The following PHF24 variants were observed in gnomAD, a reference collection of about 807,000 sequenced individuals.
PHF24 encodes the protein PHD finger protein 24.
In PHF24, 25 loss-of-function variants were observed where a neutral mutation model predicts 42.6. The ratio of observed to expected loss-of-function variants is 0.59; its 90% CI spans 0.43 to 0.82. The LOEUF is 0.82. Ranked by LOEUF, PHF24 falls within the 40% of genes least tolerant of loss-of-function variation. PHF24 has a pLI of 0.00. For synonymous variants in PHF24, 185 were observed against 204.8 expected (o/e 0.90, Z 0.83); for missense variants, 470 against 538.1 (o/e 0.87, Z 1.25).
chr9:34,844,232 A>G, the PHF24 span, among the ~76,000 whole-genome samples: 1 of 152,002 alleles, frequency 6.6e-6, no homozygotes, highest in South Asian at 2.1e-4. Context: ...TTCTTTTCAA[A>G]TAACCAACTC....
At chr9:34,807,471 G>A in the PHF24 span, among the ~76,000 whole-genome samples, 1 of 152,168 alleles carries the variant, frequency 6.6e-6, no homozygotes, top group Admixed American at 6.5e-5. Flanking sequence ...TGGTTGGAAG[G>A]CATGTTGTTC....
At chr9:34,919,709 C>CACACACACACACACACACACACACAT in the PHF24 span, among the ~76,000 whole-genome samples, 1 of 152,038 alleles carries the variant, frequency 6.6e-6, no homozygotes, top group East Asian at 1.9e-4. Context: ...CACACACACA[C>CACACACACACACACACACACACACAT]ATCCCAACCC....
At chr9:34,933,497 A>G in the PHF24 span, among the ~76,000 whole-genome samples, 1 of 151,916 alleles carries the variant, frequency 6.6e-6, no homozygotes, top group Non-Finnish European at 1.5e-5. Flanking sequence ...GGCCGAGGTG[A>G]GTGGATCACG....
intron 1 of PHF24, among the ~76,000 whole-genome samples, chr9:34,967,406 A>G (rs1317734936): frequency 6.6e-6 from 1 of 152,240 alleles, no homozygotes; most frequent in Non-Finnish European, 1.5e-5. Flanking sequence ...TTTTGACTTC[A>G]GTTGCAGATC....
At chr9:34,826,957 G>A in the PHF24 span, among the ~76,000 whole-genome samples, 36 of 152,296 alleles carry the variant, frequency 2.4e-4, no homozygotes, top group African/African-American at 7.9e-4. Flanking sequence ...TCCACCATCA[G>A]CATTCCACAT....
At chr9:34,851,623 T>A in the PHF24 span, among the ~76,000 whole-genome samples, 1 of 152,120 alleles carries the variant, frequency 6.6e-6, no homozygotes, top group Non-Finnish European at 1.5e-5. Context: ...CTGCGCCCAC[T>A]CTCTGGCACT....
At chr9:34,872,894 C>A in the PHF24 span, among the ~76,000 whole-genome samples, 1 of 142,538 alleles carries the variant, frequency 7.0e-6, no homozygotes, top group Non-Finnish European at 1.5e-5. Flanking sequence ...TTAATGATTG[C>A]CATTCTAACT....
At chr9:34,867,128 G>A in the PHF24 span, among the ~76,000 whole-genome samples, 10 of 152,184 alleles carry the variant, frequency 6.6e-5, no homozygotes, top group Admixed American at 2.6e-4. Context: ...AAGCCACGGT[G>A]CTGACTTCCC....
chr9:34,694,507 AT>A, the PHF24 span, among the ~76,000 whole-genome samples: 2 of 151,830 alleles, frequency 1.3e-5, no homozygotes. Context: ...AGTTTTTTGT[AT>A]TTTTAGTAGA....
At chr9:34,811,098 C>A in the PHF24 span, among the ~76,000 whole-genome samples, 1 of 152,188 alleles carries the variant, frequency 6.6e-6, no homozygotes, top group South Asian at 2.1e-4. Flanking sequence ...TAACTCTTAA[C>A]AACAGCTTTG....
At chr9:34,722,040 AGTT>A in the PHF24 span, among the ~76,000 whole-genome samples, 8 of 151,968 alleles carry the variant, frequency 5.3e-5, no homozygotes, top group Non-Finnish European at 1.0e-4. Context: ...ATTTACACTT[AGTT>A]GTTTGGTGTG....
the PHF24 span, among the ~76,000 whole-genome samples, chr9:34,793,257 G>C: frequency 4.6e-3 from 700 of 152,172 alleles, 8 homozygotes; most frequent in Admixed American, 0.04. Context: ...CTCTTCCAAG[G>C]TTATCCTATC....
the PHF24 span, among the ~76,000 whole-genome samples, chr9:34,950,600 A>T: frequency 6.6e-6 from 1 of 152,158 alleles, no homozygotes; most frequent in African/African-American, 2.4e-5. Flanking sequence ...GAAGAATATT[A>T]TGAAATTAGA....
At chr9:34,972,862 C>T (rs1170254120) in intron 3 of PHF24, among the ~76,000 whole-genome samples, 6 of 143,804 alleles carry the variant, frequency 4.2e-5, no homozygotes, top group Non-Finnish European at 7.5e-5. Flanking sequence ...TGCAGCGAGC[C>T]GAAATCGCGC....
At chr9:34,832,589 G>A in the PHF24 span, 2 of 1,544,436 alleles carry the variant, frequency 1.3e-6, no homozygotes, top group South Asian at 2.4e-5. Context: ...CCTTCACAGT[G>A]GCAGAGAACA....
At chr9:34,779,887 C>T in the PHF24 span, among the ~76,000 whole-genome samples, 699 of 152,166 alleles carry the variant, frequency 4.6e-3, 5 homozygotes, top group African/African-American at 0.016. Context: ...CAACACGCCC[C>T]GCTAATTTTT....
At chr9:34,953,598 A>G (rs113029762), upstream of PHF24, among the ~76,000 whole-genome samples, 7 of 152,232 alleles carry the variant, frequency 4.6e-5, no homozygotes, top group Admixed American at 1.3e-4. This position sits in a 1 kb window ranked among gnomAD's most constrained non-coding sequence, Gnocchi z 4.1. Context: ...GGAGATTCCA[A>G]TTTAGTCCCA....
At chr9:34,766,096 G>A in the PHF24 span, among the ~76,000 whole-genome samples, 1 of 152,152 alleles carries the variant, frequency 6.6e-6, no homozygotes, top group Non-Finnish European at 1.5e-5. Context: ...GCTTCCCTTT[G>A]TGGGTAACCT....
At chr9:34,982,113 C>T (rs537393964) in exon 8 of PHF24, 3 of 152,320 alleles carry the variant, frequency 2.0e-5, no homozygotes, top group South Asian at 4.1e-4. Flanking sequence ...GGGCCAGTGA[C>T]TAAGAAGCCC....
Sources: gnomAD v4.1 joint callset for allele counts (sites outside exome capture counted in the v4.1 genomes callset) on GRCh38, gnomAD v4.1.1 for gene constraint, Gnocchi (gnomAD v3.1) non-coding constraint, MANE v1.5 for transcripts, NCBI Gene and HGNC (gene_info 2026-07-23, HGNC 2026-07-21) for gene names.